Variants in PRKG1 observed in about 807,000 individuals in gnomAD.
PRKG1 encodes protein kinase cGMP-dependent 1, also known as cGMP-dependent protein kinase 1.
Under a neutral mutation model 88.1 loss-of-function variants are expected in PRKG1, and 35 were observed. The ratio of observed to expected loss-of-function variants is 0.40; its 90% CI spans 0.30 to 0.53. The LOEUF (loss-of-function observed/expected upper bound fraction) is 0.53. Ranked by LOEUF, PRKG1 falls within the 20% of genes least tolerant of loss-of-function variation. The pLI, the probability that PRKG1 is intolerant of heterozygous loss-of-function variation, is 0.59. For synonymous variants in PRKG1, 303 were observed against 292.5 expected, an observed-to-expected ratio of 1.04 and a Z score of -0.37; for missense variants, 540 against 839.8, an observed-to-expected ratio of 0.64 and a Z score of 4.41.
At chr10:52,055,403 A>G (rs1255522481) in intron 6 of PRKG1, among the ~76,000 whole-genome samples, 1 of 152,200 alleles carries the variant, frequency 6.6e-6, no homozygotes, top group Non-Finnish European at 1.5e-5. Flanking sequence ...TTATAAAGGA[A>G]GGGGTAAAAA....
chr10:51,406,341 T>C lies in PRKG1; in HGVS notation c.479-61382T>C, dbSNP rs1385968695. Reference sequence around the variant, plus strand: ...GTAGATCCGCTAAGATTTCAAACTCTTTTTTTCTTCATGGCATACCGTCTT... The same window carrying C: ...GTAGATCCGCTAAGATTTCAAACTCCTTTTTTCTTCATGGCATACCGTCTT... On this transcript the variant is annotated intron_variant, in intron 2 of 17. Coordinates refer to ENST00000373980, the MANE Select transcript of PRKG1 (RefSeq NM_006258.4). Among the ~76,000 whole-genome samples, 7 of 152,266 alleles carry C rather than the reference T, an allele frequency of 4.6e-5. No homozygotes were observed. In the East Asian group the frequency reaches 1.2e-3, roughly 25 times the overall value.
At chr10:51,904,821 C>G (rs1199898497) in intron 4 of PRKG1, among the ~76,000 whole-genome samples, 1 of 152,034 alleles carries the variant, frequency 6.6e-6, no homozygotes, top group Non-Finnish European at 1.5e-5. Context: ...ATCCTAAAAC[C>G]TGATGCTTTT....
At chr10:51,111,717 C>A (rs541145865) in intron 1 of PRKG1, among the ~76,000 whole-genome samples, 36 of 152,240 alleles carry the variant, frequency 2.4e-4, no homozygotes, top group African/African-American at 8.4e-4. Context: ...CCACTAAATT[C>A]TTTGTTTGAT....
At chr10:52,077,738 T>G (rs1390750385) in intron 7 of PRKG1, among the ~76,000 whole-genome samples, 3 of 152,118 alleles carry the variant, frequency 2.0e-5, no homozygotes, top group South Asian at 2.1e-4. Context: ...TTTAATAACA[T>G]TTTAGTTCTG....
chr10:51,721,736 G>A (rs1029970145), intron 3 of PRKG1, among the ~76,000 whole-genome samples: 8 of 132,510 alleles, frequency 6.0e-5, no homozygotes, highest in Non-Finnish European at 1.2e-4. Context: ...ATAACCAGTG[G>A]TATTTTCTTA....
At chr10:51,830,065 G>A (rs774250290) in intron 4 of PRKG1, among the ~76,000 whole-genome samples, 1 of 152,060 alleles carries the variant, frequency 6.6e-6, no homozygotes, top group Non-Finnish European at 1.5e-5. Context: ...GACCACTTCG[G>A]GAAAGGGTGA....
intron 1 of PRKG1, among the ~76,000 whole-genome samples, chr10:51,082,646 G>T (rs927648124): frequency 6.6e-6 from 1 of 152,046 alleles, no homozygotes; most frequent in Non-Finnish European, 1.5e-5. Context: ...CCAGGATAAA[G>T]TGTTCATCTA....
At position 52,278,460 on chromosome 10, in the gene PRKG1, G is replaced by A. The variant is rs530591594; in HGVS notation, c.1404-2329G>A. On this transcript the variant is annotated intron_variant, in intron 12 of 17. Transcript: ENST00000373980. ...ATTTGACCCAGCAATCCCATTACTG[G>A]GTATATACCCAAAGATTATAAATCA... Among the ~76,000 whole-genome samples, 15 of 152,030 alleles carry A rather than the reference G, an allele frequency of 9.9e-5. No homozygotes were observed. In the East Asian group the frequency reaches 2.5e-3, roughly 26 times the overall value.
intron 3 of PRKG1, among the ~76,000 whole-genome samples, chr10:51,483,408 T>A (rs1840431149): frequency 6.6e-6 from 1 of 152,196 alleles, no homozygotes; most frequent in East Asian, 1.9e-4. Context: ...TACTCCATCT[T>A]TGACTATTAT....
chr10:51,532,934 G>C (rs1349198569), intron 3 of PRKG1, among the ~76,000 whole-genome samples: 1 of 151,822 alleles, frequency 6.6e-6, no homozygotes, highest in African/African-American at 2.4e-5. Context: ...TGATGAGCAG[G>C]ATAGCTTGGG....
In PRKG1 at chr10:51,074,518, T is replaced by C; in HGVS notation, c.-73T>C. 1.3e-6 allele frequency: 2 copies of C among 1,525,430 alleles called. No individual in the cohort carries two copies. The highest frequency in any genetic ancestry group is 1.8e-6 in the Non-Finnish European group (2 of 1,134,966). The allele number at this position is 1,525,430 out of a possible 1,614,324, so 94.5% of individuals were successfully genotyped here. A position where few individuals can be genotyped will look rare whatever the true frequency, so the allele number is the denominator to read the frequency against. Reference sequence around the variant, plus strand: ...GAGGCAGCGGCGACTTTGGGGAAAGTTGATCGGAGAGGGGAGGAAGCCTCA... The same window carrying C: ...GAGGCAGCGGCGACTTTGGGGAAAGCTGATCGGAGAGGGGAGGAAGCCTCA... On this transcript the variant is annotated 5_prime_UTR_variant, in exon 1 of 18. Transcript: ENST00000373980.
chr10:51,357,940 T>C (rs1356559384), intron 2 of PRKG1, among the ~76,000 whole-genome samples: 1 of 152,028 alleles, frequency 6.6e-6, no homozygotes, highest in Non-Finnish European at 1.5e-5. Context: ...CATTTTATTT[T>C]ACATATTAGG....
At chr10:51,980,825 A>G (rs1843988454) in intron 5 of PRKG1, among the ~76,000 whole-genome samples, 1 of 151,738 alleles carries the variant, frequency 6.6e-6, no homozygotes, top group African/African-American at 2.4e-5. Flanking sequence ...TCTGTCTTCC[A>G]TTTGCTTGCT....
intron 4 of PRKG1, among the ~76,000 whole-genome samples, chr10:51,828,542 T>C (rs1564664366): frequency 6.6e-6 from 1 of 152,168 alleles, no homozygotes; most frequent in Non-Finnish European, 1.5e-5. Flanking sequence ...TTAAAATCAG[T>C]ATCACTTATA....
intron 3 of PRKG1, among the ~76,000 whole-genome samples, chr10:51,573,221 A>T (rs1837802221): frequency 6.6e-6 from 1 of 151,866 alleles, no homozygotes; most frequent in Admixed American, 6.6e-5. Flanking sequence ...AGCCCCAGCC[A>T]TCTTTTGAGT....
intron 5 of PRKG1, among the ~76,000 whole-genome samples, chr10:51,960,647 CAG>C (rs1440059135): frequency 6.6e-6 from 1 of 151,960 alleles, no homozygotes; most frequent in Non-Finnish European, 1.5e-5. Context: ...TATTTGGTAC[CAG>C]AGTCTTAAGA....
chr10:51,924,190 G>A (rs2132986550), intron 5 of PRKG1, among the ~76,000 whole-genome samples: 1 of 152,082 alleles, frequency 6.6e-6, no homozygotes, highest in East Asian at 1.9e-4. Flanking sequence ...CCATTTCTCT[G>A]AAGACCTTCT....
intron 5 of PRKG1, among the ~76,000 whole-genome samples, chr10:52,039,044 C>G (rs1845688942): frequency 6.6e-6 from 1 of 152,130 alleles, no homozygotes; most frequent in Non-Finnish European, 1.5e-5. Context: ...TCTCGTGGAG[C>G]AAAGAACAGG....
At chr10:52,144,349 T>G (rs577048313) in intron 8 of PRKG1, among the ~76,000 whole-genome samples, 149 of 152,322 alleles carry the variant, frequency 9.8e-4, no homozygotes, top group African/African-American at 3.5e-3. Context: ...AGATTTATTT[T>G]GGGGGCAATA....
Sources: allele counts gnomAD v4.1 joint callset (sites outside exome capture counted in the v4.1 genomes callset), GRCh38; gene constraint gnomAD v4.1.1; transcripts MANE v1.5; gene names NCBI Gene and HGNC (gene_info 2026-07-23, HGNC 2026-07-21).